The following AKAP13 variants were observed in gnomAD, a reference collection of about 807,000 sequenced individuals.
AKAP13 encodes the protein A-kinase anchoring protein 13.
In AKAP13, 80 loss-of-function variants were observed where a neutral mutation model predicts 264.5. The observed-to-expected ratio is 0.30, with a 90% CI of 0.25 to 0.36. The LOEUF (loss-of-function observed/expected upper bound fraction) is 0.36. Among genes scored for constraint, AKAP13 ranks in the 10% least tolerant of loss-of-function variants. The pLI is 1.00. For synonymous variants in AKAP13, 1,380 were observed against 1,250.2 expected, an observed-to-expected ratio of 1.10 and a Z score of -2.19; for missense variants, 3,712 against 3,435.2, an observed-to-expected ratio of 1.08 and a Z score of -2.01.
rs1451725435 is a variant in AKAP13 at position 85,581,261 on chromosome 15, C to T, written c.3193C>T (p.Leu1065=). The part of the protein sequence containing the change: ...DALNCSQPSP[L]DVGVKNTQSQ... ...TCTTAACTGCAGTCAGCCTTCTCCT[C>T]TGGATGTTGGAGTGAAGAACACTCA... The change falls in exon 7 of 37, where the codon CTG becomes TTG. Residue 1065 remains leucine, a synonymous_variant. Transcript: ENST00000394518. The T allele has an allele frequency of 6.2e-7, 1 of 1,614,160 alleles. No individual in the cohort carries two copies. The highest frequency in any genetic ancestry group is 1.7e-5 in the Admixed American group (1 of 60,030).
At chr15:85,535,824 G>C (rs535404367) in intron 4 of AKAP13, 4 of 141,070 alleles carry the variant, frequency 2.8e-5, no homozygotes, top group Non-Finnish European at 4.5e-5. Flanking sequence ...TTTTGAGATA[G>C]AGTCTTGCTC....
rs148219136 is a variant in AKAP13 at position 85,744,332 on chromosome 15, C to G, written c.8393-296C>G. 4.4e-4 allele frequency: 172 copies of G among 392,332 alleles called. 3 individuals are homozygous for G. The highest frequency in any genetic ancestry group is 3.8e-3 in the Middle Eastern group (5 of 1,322). The allele number at this position is 392,332 out of a possible 1,614,324, so 24.3% of individuals were successfully genotyped here. A position where few individuals can be genotyped will look rare whatever the true frequency, so the allele number is the denominator to read the frequency against. On this transcript the variant is annotated intron_variant, in intron 36 of 36. Transcript: ENST00000394518. ...ACCACTTTTTCCCCTGAATCCTTCT[C>G]TTTAGGATTGATCTCTCCTTTCTGT...
intron 3 of AKAP13, among the ~76,000 whole-genome samples, chr15:85,530,419 G>C (rs2151183925): frequency 6.6e-6 from 1 of 152,256 alleles, no homozygotes; most frequent in African/African-American, 2.4e-5. Flanking sequence ...TCTCATCTTT[G>C]CATAGGCCTG....
chr15:85,490,117 T>C (rs1475242411), intron 2 of AKAP13, among the ~76,000 whole-genome samples: 1 of 152,234 alleles, frequency 6.6e-6, no homozygotes, highest in African/African-American at 2.4e-5. Flanking sequence ...CTAAAAACTC[T>C]GAGTAGCTTA....
intron 34 of AKAP13, among the ~76,000 whole-genome samples, chr15:85,740,715 C>T (rs962849678): frequency 1.4e-5 from 2 of 143,628 alleles, no homozygotes; most frequent in African/African-American, 5.0e-5. Flanking sequence ...CTACTTTCTC[C>T]CACTTCCAAC....
intron 1 of AKAP13, among the ~76,000 whole-genome samples, chr15:85,457,580 T>G (rs1165766484): frequency 6.6e-6 from 1 of 152,234 alleles, no homozygotes; most frequent in Non-Finnish European, 1.5e-5. Context: ...TGGAGTGATC[T>G]GTATGTCACT....
intron 23 of AKAP13, among the ~76,000 whole-genome samples, chr15:85,719,735 G>A (rs925302220): frequency 1.3e-5 from 2 of 151,892 alleles, no homozygotes; most frequent in Non-Finnish European, 2.9e-5. Context: ...AGGAGTTCAA[G>A]ACCAGCCTGG....
At chr15:85,612,593 GGGTGGA>G (rs1567154916) in intron 8 of AKAP13, among the ~76,000 whole-genome samples, 3 of 152,112 alleles carry the variant, frequency 2.0e-5, no homozygotes, top group African/African-American at 7.2e-5. Flanking sequence ...AGGCCGAGGC[GGGTGGA>G]TCATTTGAGG....
chr15:85,417,152 T>C (rs1171471376), intron 1 of AKAP13, among the ~76,000 whole-genome samples: 2 of 152,218 alleles, frequency 1.3e-5, no homozygotes, highest in African/African-American at 4.8e-5. Context: ...TTTATTGTTT[T>C]CTGATTGTTT....
At chr15:85,686,606 C>CA (rs5814212) in intron 16 of AKAP13, among the ~76,000 whole-genome samples, 741 of 138,218 alleles carry the variant, frequency 5.4e-3, no homozygotes, top group African/African-American at 0.011. Flanking sequence ...TTTATAATTC[C>CA]AAAAAAAAAA....
At chr15:85,712,624 A>G (rs376476661) in intron 19 of AKAP13, among the ~76,000 whole-genome samples, 1 of 151,980 alleles carries the variant, frequency 6.6e-6, no homozygotes, top group African/African-American at 2.4e-5. Flanking sequence ...ACTCACTGCA[A>G]CATCCGCCTT....
At chr15:85,626,545 A>C (rs989021754) in intron 8 of AKAP13, among the ~76,000 whole-genome samples, 1 of 152,220 alleles carries the variant, frequency 6.6e-6, no homozygotes, top group African/African-American at 2.4e-5. Flanking sequence ...AATATCTTCA[A>C]GGTTCATCCA....
At chr15:85,643,230 T>G (rs1408123440) in intron 9 of AKAP13, among the ~76,000 whole-genome samples, 1 of 150,010 alleles carries the variant, frequency 6.7e-6, no homozygotes, top group Non-Finnish European at 1.5e-5. Flanking sequence ...TTGTTGAAAT[T>G]GTCTTCTAAT....
chr15:85,560,723 A>G lies in AKAP13; in HGVS notation c.663-14408A>G, dbSNP rs545239636. Among the ~76,000 whole-genome samples, 202 of 152,276 alleles carry G rather than the reference A, an allele frequency of 1.3e-3. 1 individual carries two copies. The highest frequency in any genetic ancestry group is 2.5e-3 in the Non-Finnish European group (168 of 68,026). ...CAATTTCTGATTTTTAAAAAAATTA[A>G]AACTAGTGAGTGCTAGAGTGAGCCT... is the stretch of plus-strand genomic sequence containing the variant. On this transcript the variant is annotated intron_variant, in intron 5 of 36. Coordinates refer to ENST00000394518, the MANE Select transcript of AKAP13 (RefSeq NM_007200.5).
At chr15:85,464,433 A>G (rs1312166668) in intron 1 of AKAP13, among the ~76,000 whole-genome samples, 1 of 152,142 alleles carries the variant, frequency 6.6e-6, no homozygotes, top group Non-Finnish European at 1.5e-5. Flanking sequence ...GATAATATCT[A>G]TTCCTGAGTT....
At chr15:85,551,520 T>C (rs1031669381) in intron 5 of AKAP13, among the ~76,000 whole-genome samples, 3 of 152,228 alleles carry the variant, frequency 2.0e-5, no homozygotes, top group African/African-American at 7.2e-5. Context: ...TTGGGCTTTC[T>C]AAGAAGATGG....
chr15:85,530,836 G>A (rs2077221026), intron 3 of AKAP13, among the ~76,000 whole-genome samples: 1 of 152,142 alleles, frequency 6.6e-6, no homozygotes, highest in Admixed American at 6.5e-5. Context: ...TATATATGGT[G>A]TTTTGGGTGA....
chr15:85,483,962 G>A (rs527692618), intron 1 of AKAP13, among the ~76,000 whole-genome samples: 5 of 152,158 alleles, frequency 3.3e-5, no homozygotes, highest in South Asian at 2.1e-4. Flanking sequence ...AAGATTGGAC[G>A]ACACTCTTTT....
intron 1 of AKAP13, among the ~76,000 whole-genome samples, chr15:85,473,684 A>T (rs1338617480): frequency 6.6e-6 from 1 of 152,210 alleles, no homozygotes; most frequent in African/African-American, 2.4e-5. Context: ...TGTCAACTGA[A>T]GAATGATGGA....
Sources: allele counts gnomAD v4.1 joint callset (sites outside exome capture counted in the v4.1 genomes callset), GRCh38; gene constraint gnomAD v4.1.1; transcripts MANE v1.5; gene names NCBI Gene and HGNC (gene_info 2026-07-23, HGNC 2026-07-21).